The following TBC1D12 variants were observed in gnomAD, a reference collection of about 807,000 sequenced individuals.
TBC1D12 encodes TBC1 domain family member 12.
In TBC1D12, 56 loss-of-function variants were observed where a neutral mutation model predicts 86.7. That is an observed-to-expected ratio of 0.65 (90% CI 0.52 to 0.81). TBC1D12 has a LOEUF of 0.81. Among genes scored for constraint, TBC1D12 ranks in the 30% least tolerant of loss-of-function variants. The pLI, the probability that TBC1D12 is intolerant of heterozygous loss-of-function variation, is 0.00. For synonymous variants in TBC1D12, 421 were observed against 411.7 expected (o/e 1.02, Z -0.27); for missense variants, 1,023 against 1,038.8 (o/e 0.98, Z 0.21).
At chr10:94,510,462 T>C (rs2056513042) in intron 8 of TBC1D12, among the ~76,000 whole-genome samples, 1 of 152,218 alleles carries the variant, frequency 6.6e-6, no homozygotes, top group Non-Finnish European at 1.5e-5. Context: ...TTTTATTTTG[T>C]AAGATATATG....
intron 9 of TBC1D12, among the ~76,000 whole-genome samples, chr10:94,516,282 G>GT (rs1278674489): frequency 5.9e-5 from 9 of 151,456 alleles, no homozygotes; most frequent in African/African-American, 2.2e-4. Flanking sequence ...AATATTAAAC[G>GT]TTTTTTCTAA....
chr10:94,521,221 CAAAA>C (rs1294257279), intron 9 of TBC1D12, among the ~76,000 whole-genome samples: 26 of 48,544 alleles, frequency 5.4e-4, no homozygotes, highest in African/African-American at 1.7e-3. Context: ...AAAAAGAAAC[CAAAA>C]AAAAAAAAAA....
chr10:94,414,606 T>TG (rs994609150), intron 1 of TBC1D12, among the ~76,000 whole-genome samples: 3 of 151,124 alleles, frequency 2.0e-5, no homozygotes, highest in Non-Finnish European at 4.4e-5. Context: ...GAAACTTTTT[T>TG]TTTTTTTTTT....
chr10:94,476,457 A>G (rs2055989780), intron 3 of TBC1D12, among the ~76,000 whole-genome samples: 1 of 152,148 alleles, frequency 6.6e-6, no homozygotes, highest in African/African-American at 2.4e-5. Context: ...TTTATTTCAG[A>G]CTTGCTGCCA....
At chr10:94,527,082 T>TTGTGTGTGTGTGTGTGTGTGTG (rs60647037) in intron 11 of TBC1D12, among the ~76,000 whole-genome samples, 68 of 148,346 alleles carry the variant, frequency 4.6e-4, no homozygotes, top group African/African-American at 1.6e-3. Flanking sequence ...GCTGGATTGA[T>TTGTGTGTGTGTGTGTGTGTGTG]TGTGTGTGTG....
chr10:94,527,931 T>C (rs1260386675), intron 11 of TBC1D12, among the ~76,000 whole-genome samples: 1 of 152,204 alleles, frequency 6.6e-6, no homozygotes, highest in East Asian at 1.9e-4. Flanking sequence ...CATTTTTCTA[T>C]GTATCTGTTT....
chr10:94,407,118 A>G (rs955643169), intron 1 of TBC1D12, among the ~76,000 whole-genome samples: 2 of 152,228 alleles, frequency 1.3e-5, no homozygotes, highest in Non-Finnish European at 2.9e-5. Flanking sequence ...CAATGTATCT[A>G]TTACTACATA....
intron 2 of TBC1D12, among the ~76,000 whole-genome samples, chr10:94,454,893 T>A (rs2055602283): frequency 6.6e-6 from 1 of 152,252 alleles, no homozygotes. Context: ...TCTATTGCAT[T>A]AACTAGGACT....
chr10:94,508,279 A>G (rs1430796850), intron 7 of TBC1D12, among the ~76,000 whole-genome samples: 1 of 151,088 alleles, frequency 6.6e-6, no homozygotes, highest in Non-Finnish European at 1.5e-5. Flanking sequence ...GGATAGATAT[A>G]ATTTTATATA....
chr10:94,493,127 A>G (rs1401119366), intron 3 of TBC1D12, among the ~76,000 whole-genome samples: 1 of 144,444 alleles, frequency 6.9e-6, no homozygotes, highest in Non-Finnish European at 1.5e-5. Flanking sequence ...ATATATACCA[A>G]CTTATATACA....
intron 9 of TBC1D12, among the ~76,000 whole-genome samples, chr10:94,521,437 A>G (rs1401947390): frequency 6.6e-6 from 1 of 151,646 alleles, no homozygotes; most frequent in Non-Finnish European, 1.5e-5. Context: ...CTTCTTTTCC[A>G]TTTTAGGTTT....
chr10:94,514,088 C>CTGTAATCCCAGGCA (rs372799129), intron 9 of TBC1D12, among the ~76,000 whole-genome samples: 2 of 151,298 alleles, frequency 1.3e-5, no homozygotes, highest in Non-Finnish European at 2.9e-5. Flanking sequence ...TGGCTCATGC[C>CTGTAATCCCAGGCA]TGTAATCCCA....
At chr10:94,527,258 T>G (rs905945703) in intron 11 of TBC1D12, among the ~76,000 whole-genome samples, 23 of 151,982 alleles carry the variant, frequency 1.5e-4, no homozygotes, top group African/African-American at 5.1e-4. Flanking sequence ...CCTGGCTAAT[T>G]TTTGTATTTT....
At chr10:94,413,738 G>GTT (rs1257522328) in intron 1 of TBC1D12, among the ~76,000 whole-genome samples, 2 of 144,262 alleles carry the variant, frequency 1.4e-5, no homozygotes, top group African/African-American at 2.5e-5. Context: ...GGCTTTTCAG[G>GTT]TTTTTTTTTT....
intron 2 of TBC1D12, among the ~76,000 whole-genome samples, chr10:94,443,125 G>A (rs1454204635): frequency 6.6e-6 from 1 of 152,116 alleles, no homozygotes. Flanking sequence ...CACCCCCATA[G>A]AATGTACATG....
At chr10:94,409,374 CTTTTTTTTTT>C (rs71306819) in intron 1 of TBC1D12, among the ~76,000 whole-genome samples, 1 of 125,410 alleles carries the variant, frequency 8.0e-6, no homozygotes, top group Non-Finnish European at 1.7e-5. Flanking sequence ...ATTAAATTAA[CTTTTTTTTTT>C]TTTTTTTTTT....
At chr10:94,458,889 G>C (rs773747050) in intron 2 of TBC1D12, among the ~76,000 whole-genome samples, 1 of 152,146 alleles carries the variant, frequency 6.6e-6, no homozygotes, top group South Asian at 2.1e-4. Flanking sequence ...GAGTGTTACA[G>C]CTCATAAAGG....
chr10:94,451,607 A>G (rs989039459), intron 2 of TBC1D12, among the ~76,000 whole-genome samples: 4 of 152,074 alleles, frequency 2.6e-5, no homozygotes, highest in Non-Finnish European at 5.9e-5. Context: ...CTCCTTGAAT[A>G]TAGTAAGTAA....
chr10:94,402,840 C>A lies in TBC1D12; in HGVS notation c.227C>A (p.Ala76Glu). The A allele has an allele frequency of 6.5e-7, 1 of 1,536,798 alleles. No individual in the cohort carries two copies. Among genetic ancestry groups the A allele is most frequent in the Non-Finnish European group, 8.8e-7 (1 of 1,142,032 alleles). The change falls in exon 1 of 13, where the codon GCG (alanine) becomes GAG (glutamate). Residue 76 changes from alanine (A) to glutamate (E), a missense_variant. Ala to Glu is a moderately radical substitution (Grantham distance 107, BLOSUM62 -1). Transcript: ENST00000225235. The stretch of plus-strand genomic sequence containing the variant: ...CAGCTCCTTCAGCGTTACCTCGCGG[C>A]GGCCGGGGAGCAGCTGGAGCCGGGG... The part of the protein sequence containing the change: ...PRQLLQRYLA[A>E]AGEQLEPGLC...
Sources: allele counts gnomAD v4.1 joint callset (sites outside exome capture counted in the v4.1 genomes callset), GRCh38; gene constraint gnomAD v4.1.1; transcripts MANE v1.5; gene names NCBI Gene and HGNC (gene_info 2026-07-23, HGNC 2026-07-21).